PSPC1: variants seen among roughly 807,000 people sequenced by gnomAD.
The protein encoded by PSPC1 is paraspeckle protein 1.
Under a neutral mutation model 51.6 loss-of-function variants are expected in PSPC1, and 14 were observed. The ratio of observed to expected loss-of-function variants is 0.27; its 90% CI spans 0.18 to 0.42. PSPC1 has a LOEUF of 0.42. Ranked by LOEUF, PSPC1 falls within the 10% of genes least tolerant of loss-of-function variation. The pLI, the probability that PSPC1 is intolerant of heterozygous loss-of-function variation, is 1.00. For synonymous variants in PSPC1, 193 were observed against 231.9 expected (o/e 0.83, Z 1.53); for missense variants, 406 against 701.1 (o/e 0.58, Z 4.75).
chr13:19,686,144 C>T (rs894219671), intron 6 of PSPC1, among the ~76,000 whole-genome samples: 7 of 152,210 alleles, frequency 4.6e-5, no homozygotes, highest in Non-Finnish European at 7.3e-5. Context: ...AAATAAGCTA[C>T]ATCCTATCAT....
chr13:19,672,967 G>C, downstream of PSPC1: 1 of 400,502 alleles, frequency 2.5e-6, no homozygotes, highest in Non-Finnish European at 4.8e-6. Context: ...GAGGTGAAAG[G>C]ATTGCTTGAG....
intron 4 of PSPC1, among the ~76,000 whole-genome samples, chr13:19,745,736 C>T (rs1885908118): frequency 6.6e-6 from 1 of 151,766 alleles, no homozygotes; most frequent in Admixed American, 6.6e-5. Flanking sequence ...TCTCCCGCCT[C>T]AGCCTCCCAA....
intron 6 of PSPC1, among the ~76,000 whole-genome samples, chr13:19,721,015 T>A (rs1273291872): frequency 4.6e-5 from 5 of 108,726 alleles, no homozygotes; most frequent in Non-Finnish European, 8.1e-5. Context: ...TCTCACTAGT[T>A]GTTACTTAAT....
intron 4 of PSPC1, among the ~76,000 whole-genome samples, chr13:19,749,434 C>A (rs776260798): frequency 6.7e-6 from 1 of 149,462 alleles, no homozygotes; most frequent in Non-Finnish European, 1.5e-5. Context: ...GGGTGAGGCA[C>A]GAGAATTGCC....
At chr13:19,765,157 C>T (rs948542127) in intron 2 of PSPC1, among the ~76,000 whole-genome samples, 6 of 151,432 alleles carry the variant, frequency 4.0e-5, no homozygotes, top group Admixed American at 2.0e-4. Context: ...AACCCTGTCT[C>T]CAGTAAAAAT....
intron 6 of PSPC1, among the ~76,000 whole-genome samples, chr13:19,695,242 G>A (rs374555163): frequency 7.1e-4 from 108 of 152,304 alleles, no homozygotes; most frequent in South Asian, 4.1e-3. Context: ...CCATTCATAT[G>A]TCAAAAAGTT....
At chr13:19,763,387 A>G (rs17242242) in intron 2 of PSPC1, among the ~76,000 whole-genome samples, 16,570 of 152,202 alleles carry the variant, frequency 0.11, 1,036 homozygotes, top group Middle Eastern at 0.14. Flanking sequence ...AACAAATCAA[A>G]GTGTTCAACC....
intron 6 of PSPC1, among the ~76,000 whole-genome samples, chr13:19,711,499 G>A (rs1281730544): frequency 6.6e-6 from 1 of 152,052 alleles, no homozygotes; most frequent in Admixed American, 6.6e-5. Context: ...TTAGCCAGGT[G>A]TGGTGGCAGG....
At chr13:19,703,693 A>G (rs9508855) in intron 8 of PSPC1, among the ~76,000 whole-genome samples, 1 of 152,180 alleles carries the variant, frequency 6.6e-6, no homozygotes, top group African/African-American at 2.4e-5. Context: ...TCAAAAGTTT[A>G]TATTGCATGA....
At chr13:19,781,733 G>A (rs187168392) in intron 1 of PSPC1, among the ~76,000 whole-genome samples, 3 of 152,132 alleles carry the variant, frequency 2.0e-5, no homozygotes, top group African/African-American at 7.2e-5. Context: ...TCGTGCTCAG[G>A]AGTTCGAGAC....
At chr13:19,753,690 G>A (rs953846897) in intron 3 of PSPC1, among the ~76,000 whole-genome samples, 4 of 152,268 alleles carry the variant, frequency 2.6e-5, no homozygotes, top group African/African-American at 9.6e-5. Context: ...GTAGGGAGGT[G>A]AGGAGGGGTG....
At chr13:19,706,123 A>C (rs1880625492) in intron 7 of PSPC1, among the ~76,000 whole-genome samples, 2 of 152,206 alleles carry the variant, frequency 1.3e-5, no homozygotes, top group Non-Finnish European at 2.9e-5. Flanking sequence ...ATTTTGTAAT[A>C]GCAGGCTTTT....
At chr13:19,717,727 A>AAAC (rs1882280152) in intron 6 of PSPC1, among the ~76,000 whole-genome samples, 1 of 151,002 alleles carries the variant, frequency 6.6e-6, no homozygotes, top group Non-Finnish European at 1.5e-5. Flanking sequence ...AAAAAAAAAA[A>AAAC]AGTTAGCCGG....
In PSPC1 at chr13:19,742,402, G is replaced by A. The variant is rs532365673; in HGVS notation, c.968-753C>T. ...GCGGATCACTTCGGCCGAGGAGTTCGAGACCAGCCTGAGTAACACAGTGAA... is the reference window on the plus strand; with the variant it reads ...GCGGATCACTTCGGCCGAGGAGTTCAAGACCAGCCTGAGTAACACAGTGAA... On this transcript the variant is annotated intron_variant, in intron 4 of 8. Transcript: ENST00000338910. Among the ~76,000 whole-genome samples, 299 of 152,134 alleles carry A rather than the reference G, an allele frequency of 2.0e-3. 1 individual carries two copies. The highest frequency in any genetic ancestry group is 3.3e-3 in the Admixed American group (51 of 15,270).
chr13:19,675,559 G>A (rs1403594491), intron 7 of PSPC1: 2 of 136,464 alleles, frequency 1.5e-5, no homozygotes, highest in Admixed American at 7.6e-5. Flanking sequence ...TAAACTGCTT[G>A]TATGGAGTAA....
chr13:19,753,165 C>G (rs1055673148), intron 3 of PSPC1, among the ~76,000 whole-genome samples: 13 of 151,626 alleles, frequency 8.6e-5, no homozygotes, highest in African/African-American at 3.2e-4. Flanking sequence ...TGCCTGCGAT[C>G]CCAGCTACTC....
At chr13:19,774,691 G>A (rs1888923163) in intron 1 of PSPC1, among the ~76,000 whole-genome samples, 1 of 151,824 alleles carries the variant, frequency 6.6e-6, no homozygotes, top group Non-Finnish European at 1.5e-5. Context: ...TGTAGTCCCA[G>A]CTACTTGGGG....
intron 3 of PSPC1, among the ~76,000 whole-genome samples, chr13:19,753,428 G>A (rs1055302229): frequency 6.6e-6 from 1 of 152,076 alleles, no homozygotes; most frequent in Non-Finnish European, 1.5e-5. Flanking sequence ...TAGAGATGAG[G>A]TACCACTACG....
chr13:19,676,152 A>C (rs1318871039), intron 7 of PSPC1, among the ~76,000 whole-genome samples: 1 of 152,188 alleles, frequency 6.6e-6, no homozygotes, highest in African/African-American at 2.4e-5. Context: ...GCTTATGTAC[A>C]CAATTTTTTT....
Sources: allele counts gnomAD v4.1 joint callset (sites outside exome capture counted in the v4.1 genomes callset), GRCh38; gene constraint gnomAD v4.1.1; transcripts MANE v1.5; gene names NCBI Gene and HGNC (gene_info 2026-07-23, HGNC 2026-07-21).